The following FAM222A variants were observed in gnomAD, a reference collection of about 807,000 sequenced individuals.
FAM222A encodes the protein protein FAM222A.
A neutral mutation model predicts 25.8 loss-of-function variants in FAM222A; 7 were observed. The ratio of observed to expected loss-of-function variants is 0.27; its 90% CI spans 0.15 to 0.51. The LOEUF (loss-of-function observed/expected upper bound fraction) is 0.51. Among genes scored for constraint, FAM222A ranks in the 20% least tolerant of loss-of-function variants. The pLI is 0.97. For missense variants in FAM222A, 573 were observed against 640.5 expected, an observed-to-expected ratio of 0.89 and a Z score of 1.14; for synonymous variants, 294 against 298.8, an observed-to-expected ratio of 0.98 and a Z score of 0.17.
intron 2 of FAM222A, among the ~76,000 whole-genome samples, chr12:109,751,214 T>C (rs1299912164): frequency 6.7e-6 from 1 of 150,122 alleles, no homozygotes; most frequent in Non-Finnish European, 1.5e-5. Context: ...TTGGACAGTA[T>C]GATTTTTTTT....
intron 2 of FAM222A, among the ~76,000 whole-genome samples, chr12:109,756,787 G>A (rs1427440219): frequency 6.6e-6 from 1 of 152,140 alleles, no homozygotes; most frequent in African/African-American, 2.4e-5. Flanking sequence ...TATTCATAAT[G>A]GCTATATGGT....
chr12:109,750,059 ACATGTGGTCTTAGTTCAGT>A (rs1428778649), intron 2 of FAM222A, among the ~76,000 whole-genome samples: 1 of 152,130 alleles, frequency 6.6e-6, no homozygotes, highest in Non-Finnish European at 1.5e-5. Flanking sequence ...TTGATATGAC[ACATGTGGTCTTAGTTCAGT>A]CATTTGTGCT....
intron 1 of FAM222A, among the ~76,000 whole-genome samples, chr12:109,738,873 ACAGACT>A (rs1200734655): frequency 2.0e-5 from 3 of 152,248 alleles, no homozygotes; most frequent in Non-Finnish European, 2.9e-5. Flanking sequence ...CATTTGGGAA[ACAGACT>A]CAGAGAGGTG....
intron 1 of FAM222A, chr12:109,720,123 A>C: frequency 1.0e-6 from 1 of 985,400 alleles, no homozygotes; most frequent in Non-Finnish European, 1.2e-6. Context: ...GCTGGGCTTG[A>C]ATACAGGCCT....
chr12:109,740,803 C>G (rs1225656727), intron 1 of FAM222A, among the ~76,000 whole-genome samples: 1 of 152,090 alleles, frequency 6.6e-6, no homozygotes, highest in Non-Finnish European at 1.5e-5. Flanking sequence ...CACAGTCCAG[C>G]GGAGGGAGAG....
chr12:109,729,339 T>C (rs1198206789), intron 1 of FAM222A, among the ~76,000 whole-genome samples: 2 of 152,210 alleles, frequency 1.3e-5, no homozygotes, highest in Non-Finnish European at 2.9e-5. Context: ...GACCCTGTAT[T>C]GTCTGGGTGA....
In FAM222A at chr12:109,769,299, GCGGACATA is replaced by G. The variant is rs754243612; in HGVS notation, c.*19_*26del. On this transcript the variant is annotated 3_prime_UTR_variant, in exon 3 of 3. Coordinates refer to ENST00000538780, the MANE Select transcript of FAM222A (RefSeq NM_032829.3). ...CCCGTCTACAGATAAGGCCTGCCCT[GCGGACATA>G]CGGACATGCGGACAGGGCGCAGAGC... 5.6e-6 allele frequency: 9 copies of G among 1,600,130 alleles called. No individual in the cohort carries two copies. The highest frequency in any genetic ancestry group is 4.0e-5 in the African/African-American group (3 of 74,492).
chr12:109,747,731 T>A (rs1888442747), intron 2 of FAM222A, among the ~76,000 whole-genome samples: 1 of 152,226 alleles, frequency 6.6e-6, no homozygotes, highest in South Asian at 2.1e-4. Context: ...AGCCTTTTCT[T>A]CCAGTGGAAG....
chr12:109,759,714 G>A (rs1011832410), intron 2 of FAM222A, among the ~76,000 whole-genome samples: 15 of 152,200 alleles, frequency 9.9e-5, no homozygotes, highest in African/African-American at 2.9e-4. Flanking sequence ...TACACAGTGG[G>A]GAGCACCCTG....
chr12:109,754,143 A>T (rs944489831), intron 2 of FAM222A, among the ~76,000 whole-genome samples: 5 of 152,360 alleles, frequency 3.3e-5, no homozygotes, highest in Admixed American at 3.3e-4. Flanking sequence ...GAGGCTTGAT[A>T]AAATCAGAGG....
chr12:109,730,864 C>T (rs1231075711), intron 1 of FAM222A, among the ~76,000 whole-genome samples: 5 of 152,154 alleles, frequency 3.3e-5, no homozygotes, highest in Non-Finnish European at 7.4e-5. Flanking sequence ...CCTCCTCCCC[C>T]GCTGCTGTGT....
chr12:109,717,678 A>T (rs1053194766), intron 1 of FAM222A, among the ~76,000 whole-genome samples: 9 of 152,154 alleles, frequency 5.9e-5, no homozygotes, highest in Admixed American at 1.3e-4. Flanking sequence ...GGATCCATTG[A>T]TCTCCTTTGA....
intron 2 of FAM222A, among the ~76,000 whole-genome samples, chr12:109,750,878 G>A (rs1888541272): frequency 1.8e-5 from 1 of 57,074 alleles, no homozygotes; most frequent in Admixed American, 1.9e-4. Context: ...AGAAGCTGAG[G>A]ACTGATTTTT....
chr12:109,749,123 C>G (rs140298867), intron 2 of FAM222A, among the ~76,000 whole-genome samples: 90 of 152,096 alleles, frequency 5.9e-4, no homozygotes, highest in African/African-American at 2.1e-3. Flanking sequence ...TTGTTTGTTT[C>G]GAGATGGAGT....
At chr12:109,757,388 T>TG (rs1166553055) in intron 2 of FAM222A, among the ~76,000 whole-genome samples, 6 of 152,208 alleles carry the variant, frequency 3.9e-5, no homozygotes, top group Admixed American at 2.0e-4. Flanking sequence ...GTTGAGACAG[T>TG]GGGATCAGCA....
intron 2 of FAM222A, among the ~76,000 whole-genome samples, chr12:109,760,339 A>G (rs1888857847): frequency 6.6e-6 from 1 of 152,182 alleles, no homozygotes; most frequent in Admixed American, 6.5e-5. Flanking sequence ...CTAAAGGACC[A>G]GTGAGGCTCC....
chr12:109,715,854 G>C (rs562569317), intron 1 of FAM222A, among the ~76,000 whole-genome samples: 1 of 152,334 alleles, frequency 6.6e-6, no homozygotes, highest in African/African-American at 2.4e-5. Flanking sequence ...AGGGTCCCCA[G>C]AGAGATGTGG....
At chr12:109,761,923 C>T (rs753883640) in intron 2 of FAM222A, among the ~76,000 whole-genome samples, 1 of 152,122 alleles carries the variant, frequency 6.6e-6, no homozygotes, top group Non-Finnish European at 1.5e-5. Flanking sequence ...GCACTCCCAC[C>T]TCTCCAGCCT....
chr12:109,744,661 C>G (rs1888344294), intron 2 of FAM222A: 1 of 985,328 alleles, frequency 1.0e-6, no homozygotes, highest in Admixed American at 6.1e-5. Context: ...TCTGGCCTTG[C>G]TTTTTCACTG....
Sources: gnomAD v4.1 joint callset for allele counts (sites outside exome capture counted in the v4.1 genomes callset) on GRCh38, gnomAD v4.1.1 for gene constraint, MANE v1.5 for transcripts, NCBI Gene and HGNC (gene_info 2026-07-23, HGNC 2026-07-21) for gene names.